EPYC: variants seen among roughly 807,000 people sequenced by gnomAD.
EPYC encodes epiphycan.
A neutral mutation model predicts 30.1 loss-of-function variants in EPYC; 28 were observed. The ratio of observed to expected loss-of-function variants is 0.93; its 90% CI spans 0.69 to 1.28. The LOEUF (loss-of-function observed/expected upper bound fraction) is 1.28, where lower values mean the gene tolerates loss of function less well. EPYC is among the 50% of genes most tolerant of loss of function. The pLI, the probability that EPYC is intolerant of heterozygous loss-of-function variation, is 0.00. For missense variants in EPYC, 382 were observed against 383.5 expected (o/e 1.00, Z 0.03); for synonymous variants, 144 against 141.4 (o/e 1.02, Z -0.13).
intron 2 of EPYC, among the ~76,000 whole-genome samples, chr12:90,982,864 C>T (rs1396127843): frequency 6.6e-6 from 1 of 151,948 alleles, no homozygotes; most frequent in African/African-American, 2.4e-5. Flanking sequence ...GTGTATATAC[C>T]ACATTGTATT....
intron 2 of EPYC, among the ~76,000 whole-genome samples, chr12:90,987,044 G>A (rs1443181311): frequency 2.0e-5 from 3 of 152,098 alleles, no homozygotes; most frequent in Non-Finnish European, 4.4e-5. Flanking sequence ...ATTGTTTTGT[G>A]TATAAGAGTA....
chr12:90,970,609 G>T (rs1877015291), intron 5 of EPYC, among the ~76,000 whole-genome samples: 1 of 152,186 alleles, frequency 6.6e-6, no homozygotes, highest in Non-Finnish European at 1.5e-5. Flanking sequence ...AAAACATTTA[G>T]ACAATAGCTG....
intron 6 of EPYC, among the ~76,000 whole-genome samples, chr12:90,966,983 T>C (rs1325153732): frequency 6.6e-6 from 1 of 152,140 alleles, no homozygotes; most frequent in Non-Finnish European, 1.5e-5. Context: ...TTCTTATTCC[T>C]GATTTTAGTA....
At chr12:90,988,266 A>G (rs566288768) in intron 2 of EPYC, among the ~76,000 whole-genome samples, 3 of 152,264 alleles carry the variant, frequency 2.0e-5, no homozygotes, top group South Asian at 2.1e-4. Context: ...AGAGGAAATG[A>G]TTCTTCTGAA....
chr12:90,992,759 T>C (rs985140016), intron 2 of EPYC, among the ~76,000 whole-genome samples: 1 of 152,156 alleles, frequency 6.6e-6, no homozygotes, highest in Non-Finnish European at 1.5e-5. Context: ...TCTTAAATCA[T>C]AGGCTCATCA....
intron 6 of EPYC, among the ~76,000 whole-genome samples, chr12:90,965,539 T>C (rs1237252515): frequency 6.6e-6 from 1 of 152,176 alleles, no homozygotes; most frequent in Non-Finnish European, 1.5e-5. Flanking sequence ...TCTTTTATTT[T>C]AGCCAAATAA....
chr12:91,000,180 C>T (rs951256221), intron 2 of EPYC, among the ~76,000 whole-genome samples: 8 of 152,010 alleles, frequency 5.3e-5, no homozygotes, highest in Admixed American at 5.3e-4. Flanking sequence ...TTGTTAGTGG[C>T]TCTCTGGATC....
At chr12:90,976,380 G>A (rs1877180695) in intron 3 of EPYC, among the ~76,000 whole-genome samples, 2 of 152,048 alleles carry the variant, frequency 1.3e-5, no homozygotes, top group African/African-American at 4.8e-5. Context: ...GTAACTACAT[G>A]TATTCATTTA....
At position 90,971,952 on chromosome 12, in the gene EPYC, C is replaced by A. The variant is rs748269927; in HGVS notation, c.550G>T (p.Glu184Ter). The A allele has an allele frequency of 6.2e-7, 1 of 1,609,294 alleles. No homozygotes were observed. Among genetic ancestry groups the A allele is most frequent in the South Asian group, 1.1e-5 (1 of 90,398 alleles). ...TGAGGCAGTTTTCGGAATGCATCTT[C>A]ATCAATCTCAGATATTAAATTTGAT... ...LTSNLISEID[E>*]DAFRKLPQLR... Residue 184 changes from glutamate (E) to a stop codon, truncating the protein, a stop_gained, in exon 5 of 7, where the codon GAA becomes TAA. Transcript: ENST00000261172. LOFTEE classifies it high-confidence loss of function.
chr12:90,964,607 G>A (rs1014056263), intron 6 of EPYC, among the ~76,000 whole-genome samples: 1 of 152,092 alleles, frequency 6.6e-6, no homozygotes, highest in African/African-American at 2.4e-5. Flanking sequence ...GATGAGTATT[G>A]TGAAGAAAAT....
intron 6 of EPYC, among the ~76,000 whole-genome samples, chr12:90,967,596 G>T (rs1210922576): frequency 6.6e-6 from 1 of 152,080 alleles, no homozygotes; most frequent in Admixed American, 6.6e-5. Context: ...ATGTTCTGTC[G>T]ATGACTGTTA....
In EPYC at chr12:90,964,097, G is replaced by T. The variant is rs1876829211; in HGVS notation, c.*59C>A. The T allele has an allele frequency of 1.4e-6, 2 of 1,428,224 alleles. No homozygotes were observed. The highest frequency in any genetic ancestry group is 4.6e-5 in the East Asian group (2 of 43,164). 88.5% of individuals were successfully genotyped at this position (1,428,224 alleles called of 1,614,324 possible). A position where few individuals can be genotyped will look rare whatever the true frequency, so the allele number is the denominator to read the frequency against. On this transcript the variant is annotated 3_prime_UTR_variant, in exon 7 of 7. Transcript: ENST00000261172. ...TATCATGCTGAGTTTTGTTTTGGAA[G>T]AGAGCAGTAAGAATGGTTTATTTAT...
At chr12:90,974,970 A>C (rs1185722319) in intron 3 of EPYC, among the ~76,000 whole-genome samples, 1 of 152,108 alleles carries the variant, frequency 6.6e-6, no homozygotes, top group African/African-American at 2.4e-5. Context: ...ACATTGAAAG[A>C]CACTTGTGTT....
intron 2 of EPYC, among the ~76,000 whole-genome samples, chr12:90,987,746 A>G (rs1877486358): frequency 6.6e-6 from 1 of 152,150 alleles, no homozygotes; most frequent in Non-Finnish European, 1.5e-5. Flanking sequence ...GAACCACTCC[A>G]TTGCACAACT....
chr12:90,986,231 C>A (rs1877445822), intron 2 of EPYC, among the ~76,000 whole-genome samples: 2 of 152,032 alleles, frequency 1.3e-5, no homozygotes, highest in South Asian at 4.2e-4. Flanking sequence ...CTGCCCAGTC[C>A]AAATCAGGCT....
chr12:90,988,287 G>T (rs1422630453), intron 2 of EPYC, among the ~76,000 whole-genome samples: 1 of 152,098 alleles, frequency 6.6e-6, no homozygotes, highest in Non-Finnish European at 1.5e-5. Context: ...GCCATTAGGA[G>T]CAGCTTCTTT....
Position 90,978,154 on chromosome 12 carries a change from G to T in EPYC, c.274C>A (p.Leu92Met), listed in dbSNP as rs1389002992. 6.2e-7 allele frequency: 1 copy of T among 1,606,152 alleles called. No individual in the cohort carries two copies. The highest frequency in any genetic ancestry group is 2.3e-5 in the East Asian group (1 of 44,252). Residue 92 changes from leucine to methionine, a missense_variant, in exon 3 of 7, where the codon CTG becomes ATG. Coordinates refer to ENST00000261172, the MANE Select transcript of EPYC (RefSeq NM_004950.5). ...TCCTGGGGAGAAGAGCCATCAATCAGCCTGGGAGTAGATTCCTCCTCCTCT... is the reference window on the plus strand; with the variant it reads ...TCCTGGGGAGAAGAGCCATCAATCATCCTGGGAGTAGATTCCTCCTCCTCT... ...EEEEEESTPR[L>M]IDGSSPQEPE...
At chr12:90,991,359 G>A (rs1271373330) in intron 2 of EPYC, among the ~76,000 whole-genome samples, 1 of 152,130 alleles carries the variant, frequency 6.6e-6, no homozygotes, top group Non-Finnish European at 1.5e-5. Flanking sequence ...GCATATTAAT[G>A]GAGGGCTAGG....
intron 5 of EPYC, among the ~76,000 whole-genome samples, chr12:90,971,333 T>C (rs1348300727): frequency 6.6e-6 from 1 of 152,074 alleles, no homozygotes; most frequent in Non-Finnish European, 1.5e-5. Context: ...ACAGATGCAG[T>C]TGGGAAGTTT....
Sources: gnomAD v4.1 joint callset for allele counts (sites outside exome capture counted in the v4.1 genomes callset) on GRCh38, gnomAD v4.1.1 for gene constraint, MANE v1.5 for transcripts, NCBI Gene and HGNC (gene_info 2026-07-23, HGNC 2026-07-21) for gene names.